CORO2B: variants seen among roughly 807,000 people sequenced by gnomAD.
CORO2B encodes the protein coronin-2B.
In CORO2B, 26 loss-of-function variants were observed where a neutral mutation model predicts 58.8. That is an observed-to-expected ratio of 0.44 (90% confidence interval 0.32 to 0.61). CORO2B has a LOEUF of 0.61. Ranked by LOEUF, CORO2B falls within the 20% of genes least tolerant of loss-of-function variation. CORO2B has a pLI of 0.04. For synonymous variants in CORO2B, 242 were observed against 253.8 expected (o/e 0.95, Z 0.44); for missense variants, 460 against 645.1 (o/e 0.71, Z 3.11).
upstream of CORO2B, chr15:68,578,858 C>A: frequency 3.9e-6 from 1 of 258,974 alleles, no homozygotes. The surrounding 1 kb of genome is among the most constrained non-coding windows in gnomAD (Gnocchi z 4.2). Flanking sequence ...GGCGATCGAG[C>A]GGGAGGCTCG....
intron 2 of CORO2B, among the ~76,000 whole-genome samples, chr15:68,669,061 AAGAG>A (rs750237704): frequency 4.1e-5 from 6 of 146,874 alleles, no homozygotes; most frequent in African/African-American, 8.0e-5. Context: ...ATCAGAAAGA[AAGAG>A]AGAAAGAGAG....
At chr15:68,717,284 A>C (rs1225928629) in intron 8 of CORO2B, among the ~76,000 whole-genome samples, 2 of 151,802 alleles carry the variant, frequency 1.3e-5, no homozygotes, top group African/African-American at 4.9e-5. Flanking sequence ...ACTGCACTCC[A>C]ACCTGGGCAA....
the CORO2B span, among the ~76,000 whole-genome samples, chr15:68,567,228 A>C: frequency 6.6e-6 from 1 of 152,200 alleles, no homozygotes; most frequent in African/African-American, 2.4e-5. Flanking sequence ...TGCTGACAAC[A>C]GTCAGACTAA....
chr15:68,597,307 G>C (rs1375136696), intron 1 of CORO2B, among the ~76,000 whole-genome samples: 1 of 152,194 alleles, frequency 6.6e-6, no homozygotes, highest in Admixed American at 6.5e-5. Context: ...ATACTAACGA[G>C]TAGGACAGAA....
the CORO2B span, among the ~76,000 whole-genome samples, chr15:68,561,961 G>T: frequency 1.3e-5 from 2 of 152,138 alleles, no homozygotes; most frequent in South Asian, 4.1e-4. Flanking sequence ...TGAGTAGGGG[G>T]AGGGCTGTAA....
At chr15:68,640,001 G>T (rs1271920366) in intron 1 of CORO2B, among the ~76,000 whole-genome samples, 1 of 152,206 alleles carries the variant, frequency 6.6e-6, no homozygotes, top group Non-Finnish European at 1.5e-5. Flanking sequence ...TGAGGTCTGG[G>T]CACCTCCCCC....
At chr15:68,588,315 C>T (rs539949019) in intron 1 of CORO2B, among the ~76,000 whole-genome samples, 1 of 152,332 alleles carries the variant, frequency 6.6e-6, no homozygotes, top group East Asian at 1.9e-4. Flanking sequence ...TTTACTCTGT[C>T]AGGCTAGTTT....
intron 2 of CORO2B, among the ~76,000 whole-genome samples, chr15:68,666,787 A>T (rs373434126): frequency 2.0e-5 from 3 of 152,046 alleles, no homozygotes; most frequent in African/African-American, 7.2e-5. Context: ...TCTTATCTAC[A>T]CTATTGCAAT....
At chr15:68,536,552 C>A in the CORO2B span, among the ~76,000 whole-genome samples, 1 of 152,172 alleles carries the variant, frequency 6.6e-6, no homozygotes, top group African/African-American at 2.4e-5. Context: ...CCTGTAATAA[C>A]GTGATGTGGT....
At chr15:68,547,984 A>G in the CORO2B span, among the ~76,000 whole-genome samples, 1 of 151,996 alleles carries the variant, frequency 6.6e-6, no homozygotes. Context: ...CAACCTGGCC[A>G]ACATGGTGAA....
intron 2 of CORO2B, among the ~76,000 whole-genome samples, chr15:68,690,003 A>G (rs1892319198): frequency 6.6e-6 from 1 of 152,192 alleles, no homozygotes; most frequent in South Asian, 2.1e-4. Context: ...GTAAACTTGC[A>G]ATTAAGTTAT....
At chr15:68,625,487 G>A (rs545030796) in intron 1 of CORO2B, among the ~76,000 whole-genome samples, 12 of 152,080 alleles carry the variant, frequency 7.9e-5, no homozygotes, top group Non-Finnish European at 1.0e-4. Context: ...GCATTCATCC[G>A]TGTTCCATCT....
chr15:68,718,626 G>A lies in CORO2B; in HGVS notation c.968-72G>A. The A allele has an allele frequency of 8.4e-6, 11 of 1,308,022 alleles. No homozygotes were observed. In the South Asian group the frequency reaches 1.3e-4, roughly 16 times the overall value. The allele number at this position is 1,308,022 out of a possible 1,614,324, so 81.0% of individuals were successfully genotyped here. On this transcript the variant is annotated intron_variant, in intron 8 of 11. Transcript: ENST00000261861. Reference sequence around the variant, plus strand: ...ATTCCTCAGCCTTTCCCCTGGCCCAGAACATCATGGGGTGATGTCACTGAG... The same window carrying A: ...ATTCCTCAGCCTTTCCCCTGGCCCAAAACATCATGGGGTGATGTCACTGAG...
chr15:68,580,630 G>A (rs1390490725), intron 1 of CORO2B, among the ~76,000 whole-genome samples: 3 of 152,170 alleles, frequency 2.0e-5, no homozygotes, highest in Non-Finnish European at 4.4e-5. Flanking sequence ...CTTCTGGCAG[G>A]GCTGTTGTGG....
At chr15:68,590,002 C>G (rs1053578379) in intron 1 of CORO2B, among the ~76,000 whole-genome samples, 1 of 152,204 alleles carries the variant, frequency 6.6e-6, no homozygotes, top group Non-Finnish European at 1.5e-5. Context: ...GCTGGCCGTC[C>G]TGGCACACTG....
chr15:68,628,265 A>G (rs1057177790), intron 1 of CORO2B, among the ~76,000 whole-genome samples: 2 of 152,068 alleles, frequency 1.3e-5, no homozygotes, highest in Non-Finnish European at 1.5e-5. Context: ...TTAAGCACAC[A>G]CCCTATGGAG....
the CORO2B span, among the ~76,000 whole-genome samples, chr15:68,531,527 GGAAGGAAGGAAGGA>G: frequency 1.6e-5 from 2 of 121,414 alleles, no homozygotes; most frequent in Admixed American, 9.2e-5. Flanking sequence ...AAGGAAGGAA[GGAAGGAAGGAAGGA>G]AGGAAGGAAG....
the CORO2B span, among the ~76,000 whole-genome samples, chr15:68,539,163 A>G: frequency 2.0e-5 from 3 of 152,204 alleles, no homozygotes; most frequent in Non-Finnish European, 4.4e-5. Flanking sequence ...AGAAGCCACA[A>G]GCTGCAGGAG....
Position 68,702,571 on chromosome 15 carries a change from T to C in CORO2B, c.333+7315T>C, listed in dbSNP as rs1006042138. Among the ~76,000 whole-genome samples, 3 of 152,058 alleles carry C rather than the reference T, an allele frequency of 2.0e-5. No individual in the cohort carries two copies. The East Asian group carries it at 5.8e-4, about 29-fold the overall frequency. ...TTAGATGAATGATGATAAACTCAATTTTTAGAATGAACAGAATGATTGACA... is the reference window on the plus strand; with the variant it reads ...TTAGATGAATGATGATAAACTCAATCTTTAGAATGAACAGAATGATTGACA... On this transcript the variant is annotated intron_variant, in intron 3 of 11. Transcript: ENST00000261861.
Sources: gnomAD v4.1 joint callset for allele counts (sites outside exome capture counted in the v4.1 genomes callset) on GRCh38, gnomAD v4.1.1 for gene constraint, Gnocchi (gnomAD v3.1) non-coding constraint, MANE v1.5 for transcripts, NCBI Gene and HGNC (gene_info 2026-07-23, HGNC 2026-07-21) for gene names.